Variants in TGS1 observed in about 807,000 individuals in gnomAD.
TGS1 encodes the protein trimethylguanosine synthase 1, also known as trimethylguanosine synthase.
In TGS1, 69 loss-of-function variants were observed where a neutral mutation model predicts 92.2. The ratio of observed to expected loss-of-function variants is 0.75; its 90% confidence interval spans 0.62 to 0.91. TGS1 has a LOEUF of 0.91. Ranked by LOEUF, TGS1 falls within the 40% of genes least tolerant of loss-of-function variation. TGS1 has a pLI of 0.00. For synonymous variants in TGS1, 345 were observed against 338.1 expected (o/e 1.02, Z -0.22); for missense variants, 1,062 against 1,001.2 (o/e 1.06, Z -0.82).
intron 8 of TGS1, 27 bp downstream of exon 8, chr8:55,799,247 T>C: frequency 6.4e-7 from 1 of 1,560,616 alleles, no homozygotes; most frequent in Middle Eastern, 1.7e-4. Context: ...TTCAACTTGC[T>C]AATGGATTTA....
At chr8:55,812,586 C>G (rs1803367802) in intron 11 of TGS1, among the ~76,000 whole-genome samples, 1 of 151,254 alleles carries the variant, frequency 6.6e-6, no homozygotes, top group South Asian at 2.1e-4. Flanking sequence ...ACTCGGGAGG[C>G]TGAGGCATGA....
rs115739901 is a variant in TGS1, at chr8:55,801,253, A to T, written c.1850-1204A>T. Among the ~76,000 whole-genome samples the T allele has an allele frequency of 5.8e-4, 89 of 152,324 alleles. 1 individual carries two copies. The highest frequency in any genetic ancestry group is 2.1e-3 in the African/African-American group (88 of 41,580). ...CTGCTGTGAATTAAGTTAGTAAAACACCACTCACTAACTCATTCATTCATT... is the reference window on the plus strand; with the variant it reads ...CTGCTGTGAATTAAGTTAGTAAAACTCCACTCACTAACTCATTCATTCATT... On this transcript the variant is annotated intron_variant, in intron 8 of 12. Transcript: ENST00000260129.
At chr8:55,774,954 C>A (rs1811344222) in intron 1 of TGS1, among the ~76,000 whole-genome samples, 1 of 152,168 alleles carries the variant, frequency 6.6e-6, no homozygotes, top group East Asian at 1.9e-4. Context: ...GGAAACTGAA[C>A]AAAATGGCTG....
rs944947155 is a variant in TGS1 at position 55,825,986 on chromosome 8, G to A, written c.*1283G>A. On this transcript the variant is annotated 3_prime_UTR_variant, in exon 13 of 13. Transcript: ENST00000260129. ...CTACCTCAGCCTCCCGAGTAGCTGG[G>A]ACTACAGGCACCTGCCACCACATCC... Among the ~76,000 whole-genome samples, 2 of 151,832 alleles carry A rather than the reference G, an allele frequency of 1.3e-5. No individual in the cohort carries two copies. Among genetic ancestry groups the A allele is most frequent in the Non-Finnish European group, 2.9e-5 (2 of 67,988 alleles).
intron 11 of TGS1, 117 bp from the exon 12 acceptor site, chr8:55,812,923 A>C: frequency 1.3e-6 from 1 of 752,688 alleles, no homozygotes; most frequent in Non-Finnish European, 2.2e-6. Flanking sequence ...AGAGGGTTTA[A>C]GTTTTTGCCT....
At chr8:55,823,136 C>A (rs1336736294) in intron 12 of TGS1, among the ~76,000 whole-genome samples, 2 of 152,172 alleles carry the variant, frequency 1.3e-5, no homozygotes, top group Non-Finnish European at 2.9e-5. Flanking sequence ...AAAAACTGAT[C>A]TCTGGTGAAG....
intron 11 of TGS1, 59 bp downstream of exon 11, chr8:55,811,156 T>G (rs1274385486): frequency 3.4e-6 from 3 of 883,638 alleles, no homozygotes; most frequent in Admixed American, 4.8e-5. Context: ...GAAAGGAGCA[T>G]GAGAGTGAGA....
Position 55,824,708 on chromosome 8 carries a change from G to A in TGS1, c.*5G>A, listed in dbSNP as rs1268780557. The A allele has an allele frequency of 6.2e-7, 1 of 1,614,120 alleles. No homozygotes were observed. The highest frequency in any genetic ancestry group is 8.5e-7 in the Non-Finnish European group (1 of 1,180,000). ...AGACCAGCCTCTGAAACCTAACTAT[G>A]CAGCAGTGCGAGGACAAAAGATCAT... On this transcript the variant is annotated 3_prime_UTR_variant, in exon 13 of 13. Transcript: ENST00000260129.
intron 1 of TGS1, among the ~76,000 whole-genome samples, chr8:55,780,765 C>A (rs1811538281): frequency 6.6e-6 from 1 of 152,102 alleles, no homozygotes; most frequent in South Asian, 2.1e-4. Context: ...CCCTTCTCTC[C>A]CCATGTATTT....
Position 55,804,989 on chromosome 8 carries a change from G to T in TGS1, c.2096G>T (p.Cys699Phe). Residue 699 changes from cysteine to phenylalanine, a missense_variant, in exon 10 of 13, where the codon TGT becomes TTT. Physicochemically the swap from Cys to Phe is radical, Grantham distance 205. Transcript: ENST00000260129. ...FKCDVVVDAF[C>F]GVGGNTIQFA... ...TGTGACGTTGTAGTAGACGCATTCT[G>T]TGGAGTTGGAGGAAATACCATTCAG... 6.2e-7 allele frequency: 1 copy of T among 1,614,058 alleles called. No homozygotes were observed. Among genetic ancestry groups the T allele is most frequent in the Non-Finnish European group, 8.5e-7 (1 of 1,179,964 alleles).
At chr8:55,785,591 A>G (rs972097705) in intron 2 of TGS1, 128 bp from the exon 3 acceptor site, 2 of 644,108 alleles carry the variant, frequency 3.1e-6, no homozygotes, top group Admixed American at 7.2e-5. Flanking sequence ...AAAAATAAAA[A>G]AAATTGTAAC....
chr8:55,812,641 G>A (rs189525236), intron 11 of TGS1, among the ~76,000 whole-genome samples: 10 of 152,114 alleles, frequency 6.6e-5, no homozygotes, highest in Admixed American at 1.3e-4. Context: ...TTGAGATTAC[G>A]CTACTGCACT....
intron 12 of TGS1, among the ~76,000 whole-genome samples, chr8:55,815,031 A>G (rs905717095): frequency 6.6e-6 from 1 of 152,108 alleles, no homozygotes; most frequent in Non-Finnish European, 1.5e-5. Context: ...TATGCTCTAC[A>G]TCGTCTCATC....
intron 1 of TGS1, among the ~76,000 whole-genome samples, chr8:55,777,612 TCA>T (rs1245553629): frequency 6.6e-6 from 1 of 151,968 alleles, no homozygotes; most frequent in Admixed American, 6.5e-5. Context: ...TGATCTCGGC[TCA>T]CTGCAACCTC....
intron 12 of TGS1, among the ~76,000 whole-genome samples, chr8:55,814,919 T>C (rs79239456): frequency 0.052 from 7,904 of 151,744 alleles, 227 homozygotes; most frequent in East Asian, 0.081. Context: ...ACACCAGGTA[T>C]TTTATATCTA....
intron 11 of TGS1, among the ~76,000 whole-genome samples, 163 bp downstream of exon 11, chr8:55,811,260 C>T (rs12155650): frequency 0.11 from 16,995 of 151,460 alleles, 1,133 homozygotes; most frequent in Middle Eastern, 0.16. Context: ...GTCAGGAGTT[C>T]GAGACCAGCC....
Position 55,825,934 on chromosome 8 carries a change from A to G in TGS1, c.*1231A>G, listed in dbSNP as rs1803783555. Among the ~76,000 whole-genome samples, 1 of 149,686 alleles carries G rather than the reference A, an allele frequency of 6.7e-6. No homozygotes were observed. Among genetic ancestry groups the G allele is most frequent in the African/African-American group, 2.5e-5 (1 of 40,464 alleles). Reference sequence around the variant, plus strand: ...GCCCAGGCTGGAGTGCAATGGCGTGATCTCAGCTTACTGCAACCTCCACCT... The same window carrying G: ...GCCCAGGCTGGAGTGCAATGGCGTGGTCTCAGCTTACTGCAACCTCCACCT... On this transcript the variant is annotated 3_prime_UTR_variant, in exon 13 of 13. Transcript: ENST00000260129.
chr8:55,815,946 A>T (rs985098590), intron 12 of TGS1, among the ~76,000 whole-genome samples: 2 of 145,976 alleles, frequency 1.4e-5, no homozygotes, highest in South Asian at 2.1e-4. Flanking sequence ...TTATTTATTT[A>T]TTTTATTTAT....
chr8:55,799,337 A>G, intron 8 of TGS1, 117 bp downstream of exon 8: 2 of 995,184 alleles, frequency 2.0e-6, no homozygotes, highest in South Asian at 3.5e-5. Flanking sequence ...ACTGCTACTT[A>G]TTTTTAAGTG....
Sources: allele counts gnomAD v4.1 joint callset (sites outside exome capture counted in the v4.1 genomes callset), GRCh38; gene constraint gnomAD v4.1.1; transcripts MANE v1.5; gene names NCBI Gene and HGNC (gene_info 2026-07-23, HGNC 2026-07-21).